ANKIB1: variants seen among roughly 807,000 people sequenced by gnomAD.
ANKIB1 encodes ankyrin repeat and IBR domain-containing protein 1.
In ANKIB1, 43 loss-of-function variants were observed where a neutral mutation model predicts 122.1. The observed-to-expected ratio is 0.35, with a 90% confidence interval of 0.28 to 0.45. The LOEUF (loss-of-function observed/expected upper bound fraction) is 0.45. Among genes scored for constraint, ANKIB1 ranks in the 20% least tolerant of loss-of-function variants. The pLI, the probability that ANKIB1 is intolerant of heterozygous loss-of-function variation, is 1.00. For missense variants in ANKIB1, 992 were observed against 1,329.5 expected (o/e 0.75, Z 3.95); for synonymous variants, 390 against 442.0 (o/e 0.88, Z 1.48).
intron 3 of ANKIB1, among the ~76,000 whole-genome samples, chr7:92,315,573 A>G (rs1377939925): frequency 6.6e-6 from 1 of 152,178 alleles, no homozygotes. Flanking sequence ...GGGAAACACA[A>G]AAAATAGAGA....
chr7:92,357,632 G>A (rs1292042177), intron 9 of ANKIB1, among the ~76,000 whole-genome samples: 1 of 151,382 alleles, frequency 6.6e-6, no homozygotes, highest in East Asian at 1.9e-4. Flanking sequence ...CTACTTGGGA[G>A]GCTGAGGCAG....
chr7:92,261,362 A>G lies in ANKIB1; in HGVS notation c.-91+14843A>G, dbSNP rs28427202. Among the ~76,000 whole-genome samples, 36 of 150,266 alleles carry G rather than the reference A, an allele frequency of 2.4e-4. No homozygotes were observed. In the South Asian group the frequency reaches 3.4e-3, roughly 14 times the overall value. ...AGACTCCGTCTCAAAAAAAAAAAAA[A>G]AAAAGAAAAGAAATTACTATGTTTT... On this transcript the variant is annotated intron_variant, in intron 1 of 19. Coordinates refer to ENST00000265742, the MANE Select transcript of ANKIB1 (RefSeq NM_019004.2).
chr7:92,272,699 G>A (rs1227842973), intron 1 of ANKIB1, among the ~76,000 whole-genome samples: 1 of 152,190 alleles, frequency 6.6e-6, no homozygotes, highest in Non-Finnish European at 1.5e-5. Context: ...GATATATAAT[G>A]ATGAATCTGA....
intron 1 of ANKIB1, among the ~76,000 whole-genome samples, chr7:92,289,264 A>G (rs953641237): frequency 5.9e-5 from 9 of 152,230 alleles, no homozygotes; most frequent in Non-Finnish European, 1.0e-4. Flanking sequence ...AAGAGCTAAG[A>G]AAGATCAAGC....
intron 5 of ANKIB1, among the ~76,000 whole-genome samples, chr7:92,336,454 A>G (rs1418872987): frequency 6.6e-6 from 1 of 152,058 alleles, no homozygotes. Context: ...CAATATATGG[A>G]TTACCTCAAG....
At chr7:92,348,198 CTGATA>C (rs1044230868) in intron 7 of ANKIB1, among the ~76,000 whole-genome samples, 1 of 152,122 alleles carries the variant, frequency 6.6e-6, no homozygotes, top group Non-Finnish European at 1.5e-5. Context: ...TAAATCTTCT[CTGATA>C]TATTTAAAAT....
intron 2 of ANKIB1, among the ~76,000 whole-genome samples, chr7:92,301,152 A>G (rs1216594712): frequency 6.6e-6 from 1 of 152,176 alleles, no homozygotes; most frequent in African/African-American, 2.4e-5. Context: ...TATAGTGAAC[A>G]TGGGAGTACT....
chr7:92,383,748 A>G (rs1205760014), intron 11 of ANKIB1, among the ~76,000 whole-genome samples: 2 of 152,214 alleles, frequency 1.3e-5, no homozygotes, highest in Admixed American at 1.3e-4. Context: ...TCTCAAAATA[A>G]TAAGAGCTAT....
chr7:92,343,118 T>C lies in ANKIB1; in HGVS notation c.882T>C (p.Ser294=), dbSNP rs1347996542. Residue 294 remains serine (S), a synonymous_variant, in exon 6 of 20, where the codon AGT becomes AGC. Transcript: ENST00000265742. ...SGVQMPTPPP[S]GYNAWDTLPS... is the part of the protein sequence containing the mutation. Reference sequence around the variant, plus strand: ...TTCAAATGCCAACTCCACCACCAAGTGGGTATAATGCCTGGGACACGCTCC... The same window carrying C: ...TTCAAATGCCAACTCCACCACCAAGCGGGTATAATGCCTGGGACACGCTCC... 1.2e-6 allele frequency: 2 copies of C among 1,613,748 alleles called. No homozygotes were observed. The highest frequency in any genetic ancestry group is 2.7e-5 in the African/African-American group (2 of 74,900).
intron 1 of ANKIB1, among the ~76,000 whole-genome samples, chr7:92,282,073 C>A (rs1802021412): frequency 6.6e-6 from 1 of 151,978 alleles, no homozygotes; most frequent in African/African-American, 2.4e-5. Context: ...TTTATTTTTT[C>A]TTTAATAGAA....
At chr7:92,302,003 C>T (rs1802467287) in intron 2 of ANKIB1, among the ~76,000 whole-genome samples, 1 of 151,610 alleles carries the variant, frequency 6.6e-6, no homozygotes, top group South Asian at 2.1e-4. Flanking sequence ...GTGGTGTGAT[C>T]TTGGCTCACT....
Position 92,304,336 on chromosome 7 carries a change from A to ATACTTT in ANKIB1, c.189-3018_189-3017insTTACTT, listed in dbSNP as rs1270733263. On this transcript the variant is annotated intron_variant, in intron 2 of 19. Coordinates refer to ENST00000265742, the MANE Select transcript of ANKIB1 (RefSeq NM_019004.2). The stretch of plus-strand genomic sequence containing the variant: ...AAATATGTATAAAGAAGTTATTTTA[A>ATACTTT]TACTTCAGAATAATACACTCTCTGT... Among the ~76,000 whole-genome samples, 48 of 152,288 alleles carry ATACTTT rather than the reference A, an allele frequency of 3.2e-4. 1 individual carries two copies. Among genetic ancestry groups the ATACTTT allele is most frequent in the African/African-American group, 9.9e-4 (41 of 41,558 alleles).
intron 3 of ANKIB1, among the ~76,000 whole-genome samples, chr7:92,317,679 G>A (rs576529980): frequency 6.6e-6 from 1 of 152,312 alleles, no homozygotes; most frequent in East Asian, 1.9e-4. Context: ...TTAGCCCATG[G>A]CTTCCAGATC....
In ANKIB1 at chr7:92,387,968, C is replaced by A; in HGVS notation, c.1840-7C>A. ...ATGGTTTAAATTCTTTATTTCTATT[C>A]CTTTAGCTAGAACAACGCCTTCTTA... On this transcript the variant is annotated splice_polypyrimidine_tract_variant and splice_region_variant and intron_variant, in intron 13 of 19. Coordinates refer to ENST00000265742, the MANE Select transcript of ANKIB1 (RefSeq NM_019004.2). 6.3e-7 allele frequency: 1 copy of A among 1,590,178 alleles called. No individual in the cohort carries two copies. The highest frequency in any genetic ancestry group is 2.3e-5 in the East Asian group (1 of 43,938).
chr7:92,348,989 G>A (rs1288183036), intron 7 of ANKIB1, among the ~76,000 whole-genome samples: 1 of 152,204 alleles, frequency 6.6e-6, no homozygotes, highest in Admixed American at 6.5e-5. Flanking sequence ...TGGGCTTGAG[G>A]AAGGAATAAC....
chr7:92,332,780 G>A (rs2131963784), intron 5 of ANKIB1, among the ~76,000 whole-genome samples: 1 of 152,160 alleles, frequency 6.6e-6, no homozygotes, highest in Admixed American at 6.5e-5. Flanking sequence ...CTTCTCCCAA[G>A]ACTTTTGGAA....
At chr7:92,351,136 T>G in intron 8 of ANKIB1, 42 bp downstream of exon 8, 1 of 1,404,220 alleles carries the variant, frequency 7.1e-7, no homozygotes, top group Non-Finnish European at 9.3e-7. Flanking sequence ...TCCATAATTT[T>G]GATTTTATTA....
intron 7 of ANKIB1, among the ~76,000 whole-genome samples, chr7:92,350,596 G>A (rs1380009761): frequency 2.6e-5 from 4 of 152,092 alleles, no homozygotes; most frequent in Admixed American, 6.5e-5. Context: ...AGTAGTTCAC[G>A]CATATAACCC....
rs575797661 is a variant in ANKIB1, at chr7:92,254,817, C to T, written c.-91+8298C>T. ...CACTTATTATAAATTTTTCTTTTGG[C>T]ATTTCATGTAATCATTGCTATGGTT... On this transcript the variant is annotated intron_variant, in intron 1 of 19. Coordinates refer to ENST00000265742, the MANE Select transcript of ANKIB1 (RefSeq NM_019004.2). Among the ~76,000 whole-genome samples, 9 of 152,182 alleles carry T rather than the reference C, an allele frequency of 5.9e-5. No individual in the cohort carries two copies. In the South Asian group the frequency reaches 1.7e-3, roughly 28 times the overall value.
Sources: allele counts gnomAD v4.1 joint callset (sites outside exome capture counted in the v4.1 genomes callset), GRCh38; gene constraint gnomAD v4.1.1; transcripts MANE v1.5; gene names NCBI Gene and HGNC (gene_info 2026-07-23, HGNC 2026-07-21).